The following ARHGAP17 variants were observed in gnomAD, a reference collection of about 807,000 sequenced individuals.
ARHGAP17 encodes the protein Rho GTPase activating protein 17.
ARHGAP17 carries 57 observed loss-of-function variants against 99.5 expected under a neutral mutation model. The ratio of observed to expected loss-of-function variants is 0.57; its 90% CI spans 0.46 to 0.71. ARHGAP17 has a LOEUF of 0.71. ARHGAP17 is among the 30% of genes least tolerant of loss of function. The pLI is 0.00. For missense variants in ARHGAP17, 1,000 were observed against 1,122.4 expected (o/e 0.89, Z 1.56); for synonymous variants, 417 against 429.6 (o/e 0.97, Z 0.36).
intron 19 of ARHGAP17, among the ~76,000 whole-genome samples, chr16:24,924,117 C>T (rs977655731): frequency 2.0e-5 from 3 of 152,144 alleles, no homozygotes; most frequent in Non-Finnish European, 2.9e-5. Context: ...TCCCCCTCTC[C>T]ACCACCCATC....
In ARHGAP17 at chr16:24,920,140, G is replaced by C. The variant is rs1220733130; in HGVS notation, c.2636C>G (p.Thr879Ser). Residue 879 changes from threonine (T) to serine (S), a missense_variant, in exon 20 of 20, where the codon ACT becomes AGT. By Grantham distance (58) the Thr-to-Ser change is moderately conservative (BLOSUM62 1). Around this residue, in one of 2 missense-constraint regions of ARHGAP17, gnomAD observed 528 missense variants for 511.4 expected, o/e 1.03. Transcript: ENST00000289968. ...LLDIDNDTESTAL is the reference protein window; with the variant it reads ...LLDIDNDTESSAL ...GGGAAAGGGCTTTCTTCACAGGGCA[G>C]TGCTCTCGGTATCATTGTCTATATC... 6.2e-7 allele frequency: 1 copy of C among 1,613,902 alleles called. No individual in the cohort carries two copies. Among genetic ancestry groups the C allele is most frequent in the Non-Finnish European group, 8.5e-7 (1 of 1,179,954 alleles).
At chr16:24,990,947 T>C (rs1350929860) in intron 1 of ARHGAP17, among the ~76,000 whole-genome samples, 5 of 152,118 alleles carry the variant, frequency 3.3e-5, no homozygotes, top group African/African-American at 4.8e-5. Flanking sequence ...AGGGTCCCTG[T>C]GTCCTAGGCC....
intron 18 of ARHGAP17, among the ~76,000 whole-genome samples, chr16:24,933,947 T>A (rs563690577): frequency 7.2e-5 from 11 of 152,234 alleles, no homozygotes; most frequent in African/African-American, 2.6e-4. Context: ...GGAATCTAGG[T>A]CCAGAAGACT....
At position 24,930,829 on chromosome 16, in the gene ARHGAP17, T is replaced by A. The variant is rs770163631; in HGVS notation, c.2470A>T (p.Ser824Cys). The change falls in exon 19 of 20, where the codon AGC (serine) becomes TGC (cysteine). Residue 824 changes from serine (S) to cysteine (C), a missense_variant. Transcript: ENST00000289968. Reference protein sequence around the residue: ...QPPGVHSAGDSSLTNTAPTAS... With the variant: ...QPPGVHSAGDCSLTNTAPTAS... ...GTTGGTGCTGTGTTGGTGAGGCTGC[T>A]GTCCCCAGCTGAGTGGACACCAGGA... 10 of 1,614,088 alleles carry A rather than the reference T, an allele frequency of 6.2e-6. No homozygotes were observed. The South Asian group carries it at 1.1e-4, about 18-fold the overall frequency.
rs2053756964 is a variant in ARHGAP17, at chr16:25,015,287, G to A, written c.-26C>T. 4 of 1,326,128 alleles carry A rather than the reference G, an allele frequency of 3.0e-6. No individual in the cohort carries two copies. The highest frequency in any genetic ancestry group is 2.9e-6 in the Non-Finnish European group (3 of 1,028,684). The allele number at this position is 1,326,128 out of a possible 1,614,324, so 82.1% of individuals were successfully genotyped here. Reference sequence around the variant, plus strand: ...GGCGGCGGTGGCGGCGGCGGCCCGCGGGGCTCGGGCCGGGCAGGGCGGGGG... The same window carrying A: ...GGCGGCGGTGGCGGCGGCGGCCCGCAGGGCTCGGGCCGGGCAGGGCGGGGG... On this transcript the variant is annotated 5_prime_UTR_variant, in exon 1 of 20. Transcript: ENST00000289968.
intron 14 of ARHGAP17, among the ~76,000 whole-genome samples, chr16:24,945,018 C>A (rs952698922): frequency 1.3e-5 from 2 of 151,956 alleles, no homozygotes; most frequent in Non-Finnish European, 2.9e-5. Flanking sequence ...TTAATAGTGT[C>A]TGACGCCAAG....
chr16:24,937,665 T>C (rs1416467236), intron 17 of ARHGAP17, among the ~76,000 whole-genome samples: 1 of 152,112 alleles, frequency 6.6e-6, no homozygotes, highest in African/African-American at 2.4e-5. Flanking sequence ...GTGAAGAAAA[T>C]GGAATTCAGG....
intron 5 of ARHGAP17, 111 bp downstream of exon 5, chr16:24,968,550 T>C: frequency 1.3e-6 from 2 of 1,504,928 alleles, no homozygotes; most frequent in South Asian, 2.3e-5. Context: ...ACTCCCCTTA[T>C]TTCCAAAAAG....
At chr16:24,924,046 G>A (rs775701240) in intron 19 of ARHGAP17, among the ~76,000 whole-genome samples, 1 of 152,126 alleles carries the variant, frequency 6.6e-6, no homozygotes, top group Non-Finnish European at 1.5e-5. Flanking sequence ...ACAAGTAACA[G>A]ATCCAAATAT....
chr16:24,939,606 A>G lies in ARHGAP17; in HGVS notation c.1491-9T>C. 1.3e-6 allele frequency: 2 copies of G among 1,597,462 alleles called. No individual in the cohort carries two copies. The highest frequency in any genetic ancestry group is 1.7e-6 in the Non-Finnish European group (2 of 1,172,484). ...TAAGCTTCACACCAAAGCTACACAG[A>G]GAGAAGAAACAGTCAACACACCATG... On this transcript the variant is annotated splice_polypyrimidine_tract_variant and intron_variant, in intron 16 of 19. Transcript: ENST00000289968.
At chr16:24,985,738 T>A (rs2141398373) in intron 1 of ARHGAP17, among the ~76,000 whole-genome samples, 1 of 152,322 alleles carries the variant, frequency 6.6e-6, no homozygotes, top group South Asian at 2.1e-4. Context: ...GGCAGAGCAT[T>A]ATTCTGCCTA....
chr16:24,923,910 G>A lies in ARHGAP17; in HGVS notation c.2516-3650C>T, dbSNP rs138908523. Among the ~76,000 whole-genome samples the A allele has an allele frequency of 2.3e-3, 353 of 151,918 alleles. 2 individuals carry two copies. The highest frequency in any genetic ancestry group is 8.2e-3 in the African/African-American group (340 of 41,408). ...AAGTGGGTATTTAAGAGCTAGAAGT[G>A]GAATGTTATCACTGAGGGTAAGGTT... On this transcript the variant is annotated intron_variant, in intron 19 of 19. Coordinates refer to ENST00000289968, the MANE Select transcript of ARHGAP17 (RefSeq NM_001006634.3).
Position 24,922,185 on chromosome 16 carries a change from A to C in ARHGAP17, c.2516-1925T>G, listed in dbSNP as rs115996001. Among the ~76,000 whole-genome samples the C allele has an allele frequency of 7.0e-3, 1,070 of 152,332 alleles. 11 individuals carry two copies. Among genetic ancestry groups the C allele is most frequent in the African/African-American group, 0.024 (1,006 of 41,570 alleles). Reference sequence around the variant, plus strand: ...TTCCCCATTATCTTGGCCCCCAAAAACAGAAGGGGCTACCAGCCCGTGTCT... The same window carrying C: ...TTCCCCATTATCTTGGCCCCCAAAACCAGAAGGGGCTACCAGCCCGTGTCT... On this transcript the variant is annotated intron_variant, in intron 19 of 19. Transcript: ENST00000289968.
At chr16:24,941,505 T>C (rs2051311189) in intron 16 of ARHGAP17, among the ~76,000 whole-genome samples, 2 of 152,228 alleles carry the variant, frequency 1.3e-5, no homozygotes, top group Non-Finnish European at 2.9e-5. Context: ...CTGAGGTTTT[T>C]CCCACTGAAC....
At chr16:24,930,117 T>C (rs2050943111) in intron 19 of ARHGAP17, among the ~76,000 whole-genome samples, 1 of 152,226 alleles carries the variant, frequency 6.6e-6, no homozygotes, top group African/African-American at 2.4e-5. Flanking sequence ...AAATATGCCA[T>C]TAGGTAGCCC....
In ARHGAP17 at chr16:24,937,120, AAAAAAAAACAAC is replaced by A. The variant is rs1466370504; in HGVS notation, c.1725-1493_1725-1482del. On this transcript the variant is annotated intron_variant, in intron 17 of 19. Transcript: ENST00000289968. ...TGACAGAGCAAGACCCTGTCTGAAAAAAAAAAAACAACAAAAAACAGGCCGGGGCAGTAGCTC... is the reference window on the plus strand; with the variant it reads ...TGACAGAGCAAGACCCTGTCTGAAAAAAAAAACAGGCCGGGGCAGTAGCTC... Among the ~76,000 whole-genome samples, 4 of 150,586 alleles carry A rather than the reference AAAAAAAAACAAC, an allele frequency of 2.7e-5. 1 individual carries two copies. Among genetic ancestry groups the A allele is most frequent in the African/African-American group, 9.9e-5 (4 of 40,402 alleles).
At chr16:24,978,204 T>A (rs563324693) in intron 2 of ARHGAP17, among the ~76,000 whole-genome samples, 4 of 152,322 alleles carry the variant, frequency 2.6e-5, no homozygotes, top group African/African-American at 9.6e-5. Flanking sequence ...ACAAATTCCA[T>A]GATTTAATTT....
intron 1 of ARHGAP17, among the ~76,000 whole-genome samples, chr16:24,987,856 A>G (rs1165649451): frequency 3.3e-5 from 5 of 152,248 alleles, no homozygotes; most frequent in Non-Finnish European, 7.3e-5. Flanking sequence ...TTACCAGGAA[A>G]TATCTGACGC....
chr16:24,963,101 G>A (rs1701716433), intron 7 of ARHGAP17, among the ~76,000 whole-genome samples: 1 of 152,202 alleles, frequency 6.6e-6, no homozygotes, highest in South Asian at 2.1e-4. Flanking sequence ...GTAGGCAATA[G>A]CCAGGATCTA....
Sources: allele counts gnomAD v4.1 joint callset (sites outside exome capture counted in the v4.1 genomes callset), GRCh38; gene constraint gnomAD v4.1.1; regional missense constraint gnomAD v4.1.1; transcripts MANE v1.5; gene names NCBI Gene and HGNC (gene_info 2026-07-23, HGNC 2026-07-21).